SIM2: variants seen among roughly 807,000 people sequenced by gnomAD.
SIM2 encodes the protein single-minded homolog 2.
SIM2 carries 28 observed loss-of-function variants against 64.8 expected under a neutral mutation model. The observed-to-expected ratio is 0.43, with a 90% CI of 0.32 to 0.59. SIM2 has a LOEUF of 0.59. Ranked by LOEUF, SIM2 falls within the 20% of genes least tolerant of loss-of-function variation. The probability of loss-of-function intolerance (pLI) is 0.07; values close to 1 mark genes in which losing one functional copy is unlikely to be tolerated. For synonymous variants in SIM2, 408 were observed against 391.1 expected (o/e 1.04, Z -0.51); for missense variants, 847 against 871.4 (o/e 0.97, Z 0.35).
chr21:36,723,985 C>G (rs1351899068), intron 5 of SIM2, among the ~76,000 whole-genome samples: 1 of 152,204 alleles, frequency 6.6e-6, no homozygotes, highest in East Asian at 1.9e-4. Flanking sequence ...ACATCATAAC[C>G]CATCAATATG....
Position 36,745,413 on chromosome 21 carries a change from C to G in SIM2, c.1576+277C>G. 1 of 1,319,038 alleles carries G rather than the reference C, an allele frequency of 7.6e-7. No homozygotes were observed. Among genetic ancestry groups the G allele is most frequent in the Non-Finnish European group, 9.8e-7 (1 of 1,020,952 alleles). 81.7% of individuals were successfully genotyped at this position (1,319,038 alleles called of 1,614,324 possible). On this transcript the variant is annotated intron_variant, in intron 10 of 10. Transcript: ENST00000290399. The surrounding 1 kb of genome is among the most constrained non-coding windows in gnomAD (Gnocchi z 4.8). The stretch of plus-strand genomic sequence containing the variant: ...CTGGCCTTCACGTAAATCCTGGCCA[C>G]ATTCACCAACCAAAGGGGGACAGTG...
intron 7 of SIM2, among the ~76,000 whole-genome samples, chr21:36,734,031 C>A (rs1474262816): frequency 6.6e-6 from 1 of 152,054 alleles, no homozygotes; most frequent in African/African-American, 2.4e-5. Flanking sequence ...CCCAGGTGAT[C>A]AGGGTGAGAC....
intron 7 of SIM2, among the ~76,000 whole-genome samples, chr21:36,733,355 G>T (rs917239956): frequency 6.6e-6 from 1 of 151,996 alleles, no homozygotes; most frequent in African/African-American, 2.4e-5. Flanking sequence ...CTCCCAAGTA[G>T]CTGGGATTAC....
intron 8 of SIM2, 22 bp from the exon 9 acceptor site, chr21:36,743,365 T>G: frequency 6.2e-7 from 1 of 1,600,726 alleles, no homozygotes; most frequent in South Asian, 1.1e-5. Flanking sequence ...TGGACATGAC[T>G]CGGCCCACTC....
Position 36,709,826 on chromosome 21 carries a change from T to G in SIM2, c.258+576T>G, listed in dbSNP as rs2088650018. 4.5e-5 allele frequency: 10 copies of G among 222,322 alleles called. No individual in the cohort carries two copies. In the South Asian group the frequency reaches 5.8e-4, roughly 13 times the overall value. The allele number at this position is 222,322 out of a possible 1,614,324, so 13.8% of individuals were successfully genotyped here. On this transcript the variant is annotated intron_variant, in intron 2 of 10. Transcript: ENST00000290399. ...TTTTTCAATTTGTTTTGTTTTGTTTTTTGTTTGTTTGTTTGTTTTTGAGAC... is the reference window on the plus strand; with the variant it reads ...TTTTTCAATTTGTTTTGTTTTGTTTGTTGTTTGTTTGTTTGTTTTTGAGAC...
intron 3 of SIM2, among the ~76,000 whole-genome samples, chr21:36,713,617 C>T (rs1462291511): frequency 6.6e-6 from 1 of 152,170 alleles, no homozygotes; most frequent in Non-Finnish European, 1.5e-5. Context: ...CACCTGCCTC[C>T]TAATGTAGTT....
Position 36,723,034 on chromosome 21 carries a change from C to T in SIM2, c.458-11C>T, listed in dbSNP as rs936490797. 6.2e-7 allele frequency: 1 copy of T among 1,612,700 alleles called. No individual in the cohort carries two copies. Among genetic ancestry groups the T allele is most frequent in the Non-Finnish European group, 8.5e-7 (1 of 1,178,734 alleles). On this transcript the variant is annotated splice_polypyrimidine_tract_variant and intron_variant, in intron 4 of 10. Transcript: ENST00000290399. ...GGACAGCTGCCAACCTCATCTTGCT[C>T]CTGCTTGCAGAGTATGAGATAGAGA...
chr21:36,713,033 T>C (rs1162099142), intron 3 of SIM2, among the ~76,000 whole-genome samples: 1 of 152,242 alleles, frequency 6.6e-6, no homozygotes, highest in African/African-American at 2.4e-5. Context: ...ATGTGGAACA[T>C]GGATTTTATG....
chr21:36,732,608 T>G (rs1173076903), intron 7 of SIM2, among the ~76,000 whole-genome samples: 1 of 152,234 alleles, frequency 6.6e-6, no homozygotes, highest in African/African-American at 2.4e-5. Flanking sequence ...GGCTTCTTCC[T>G]TGCTCCTTGA....
At chr21:36,711,969 C>G (rs1039369836) in intron 2 of SIM2, among the ~76,000 whole-genome samples, 3 of 152,140 alleles carry the variant, frequency 2.0e-5, no homozygotes, top group African/African-American at 7.2e-5. Context: ...CTTGCAAATT[C>G]TAAATAATTA....
chr21:36,720,248 T>G (rs181934279), intron 4 of SIM2: 15 of 278,728 alleles, frequency 5.4e-5, no homozygotes. Context: ...ATCACGGGTC[T>G]AGACCAAGCT....
At position 36,699,758 on chromosome 21, in the gene SIM2, G is replaced by A; in HGVS notation, c.12G>A (p.Lys4=). The change falls in exon 1 of 11, where the codon AAG becomes AAA. Residue 4 remains lysine (K), a synonymous_variant. Transcript: ENST00000290399. This position sits in a 1 kb window ranked among gnomAD's most constrained non-coding sequence, Gnocchi z 5.6. MKE[K]SKNAAKTRRE... ...GGAGCCGAGGCGCGATGAAGGAGAAGTCCAAGAATGCGGCCAAGACCAGGA... is the reference window on the plus strand; with the variant it reads ...GGAGCCGAGGCGCGATGAAGGAGAAATCCAAGAATGCGGCCAAGACCAGGA... 2 of 1,612,820 alleles carry A rather than the reference G, an allele frequency of 1.2e-6. No homozygotes were observed. The highest frequency in any genetic ancestry group is 2.2e-5 in the South Asian group (2 of 90,942).
intron 10 of SIM2, among the ~76,000 whole-genome samples, chr21:36,746,991 A>T (rs1380930983): frequency 1.3e-5 from 2 of 152,224 alleles, no homozygotes; most frequent in African/African-American, 4.8e-5. Context: ...TCTTTTTGGT[A>T]TTAAAGGAAG....
intron 7 of SIM2, among the ~76,000 whole-genome samples, chr21:36,733,825 T>C (rs2089008095): frequency 6.6e-6 from 1 of 152,046 alleles, no homozygotes; most frequent in South Asian, 2.1e-4. Context: ...CCTCCCATAG[T>C]GCTGGGATTA....
intron 6 of SIM2, among the ~76,000 whole-genome samples, chr21:36,728,626 C>T (rs2088925782): frequency 6.6e-6 from 1 of 152,236 alleles, no homozygotes; most frequent in Admixed American, 6.5e-5. Context: ...GAGCTGCAGT[C>T]ACATGGGAGG....
intron 1 of SIM2, among the ~76,000 whole-genome samples, chr21:36,705,603 T>A (rs371135551): frequency 1.3e-5 from 2 of 152,116 alleles, no homozygotes; most frequent in Non-Finnish European, 2.9e-5. Context: ...AGGTTAGAGG[T>A]CGGGCCCTTC....
intron 9 of SIM2, 117 bp downstream of exon 9, chr21:36,743,672 G>T: frequency 9.8e-7 from 1 of 1,020,842 alleles, no homozygotes. Context: ...TCCCTGCCGT[G>T]GAGCAAGGTC....
intron 3 of SIM2, 28 bp from the exon 4 acceptor site, chr21:36,719,793 C>T: frequency 7.1e-7 from 1 of 1,401,860 alleles, no homozygotes. Flanking sequence ...GAGGCGGTGG[C>T]ATTTCTGACC....
chr21:36,738,507 A>C (rs1037244599), intron 7 of SIM2, among the ~76,000 whole-genome samples: 3 of 151,592 alleles, frequency 2.0e-5, no homozygotes, highest in African/African-American at 7.3e-5. Context: ...CTCCGTCTCC[A>C]AAAAAAAAGT....
Sources: gnomAD v4.1 joint callset for allele counts (sites outside exome capture counted in the v4.1 genomes callset) on GRCh38, gnomAD v4.1.1 for gene constraint, Gnocchi (gnomAD v3.1) non-coding constraint, MANE v1.5 for transcripts, NCBI Gene and HGNC (gene_info 2026-07-23, HGNC 2026-07-21) for gene names.